The following HSD17B4 variants were observed in gnomAD, a reference collection of about 807,000 sequenced individuals.
HSD17B4 encodes the protein hydroxysteroid 17-beta dehydrogenase 4, also known as peroxisomal multifunctional enzyme type 2.
Under a neutral mutation model 101.0 loss-of-function variants are expected in HSD17B4, and 70 were observed. That is an observed-to-expected ratio of 0.69 (90% CI 0.57 to 0.85). The LOEUF (loss-of-function observed/expected upper bound fraction) is 0.85, where lower values mean the gene tolerates loss of function less well. Ranked by LOEUF, HSD17B4 falls within the 40% of genes least tolerant of loss-of-function variation. HSD17B4 has a pLI of 0.00. For synonymous variants in HSD17B4, 347 were observed against 297.1 expected (o/e 1.17, Z -1.73); for missense variants, 984 against 892.4 (o/e 1.10, Z -1.31).
At chr5:119,535,931 A>G in intron 22 of HSD17B4, 1 of 179,986 alleles carries the variant, frequency 5.6e-6, no homozygotes, top group Non-Finnish European at 1.2e-5. Flanking sequence ...TTCAAATGCC[A>G]TATTCTCATC....
chr5:119,500,945 T>C (rs1751101088), intron 13 of HSD17B4, among the ~76,000 whole-genome samples: 1 of 152,162 alleles, frequency 6.6e-6, no homozygotes, highest in Non-Finnish European at 1.5e-5. Flanking sequence ...CTGGTATCTG[T>C]AACTTTGACT....
chr5:119,457,207 T>A (rs1442368135), intron 2 of HSD17B4, among the ~76,000 whole-genome samples: 1 of 152,174 alleles, frequency 6.6e-6, no homozygotes, highest in African/African-American at 2.4e-5. Flanking sequence ...GGGTGCTAAG[T>A]GCAGGGGGAT....
chr5:119,485,582 T>G (rs530992823), intron 8 of HSD17B4, among the ~76,000 whole-genome samples: 1 of 152,288 alleles, frequency 6.6e-6, no homozygotes, highest in African/African-American at 2.4e-5. Context: ...TGAAAATTTA[T>G]TTTGATCTGA....
At chr5:119,527,931 G>A (rs1753748065) in intron 20 of HSD17B4, among the ~76,000 whole-genome samples, 1 of 152,074 alleles carries the variant, frequency 6.6e-6, no homozygotes, top group Non-Finnish European at 1.5e-5. Flanking sequence ...AATACTAAAA[G>A]GACATGCAAT....
At chr5:119,485,327 C>T (rs181323286) in intron 8 of HSD17B4, among the ~76,000 whole-genome samples, 9 of 152,190 alleles carry the variant, frequency 5.9e-5, no homozygotes, top group Admixed American at 5.9e-4. Flanking sequence ...AGATCTGGAC[C>T]ACTAAAGGCA....
At chr5:119,518,019 C>T (rs569733165) in intron 17 of HSD17B4, among the ~76,000 whole-genome samples, 1 of 152,262 alleles carries the variant, frequency 6.6e-6, no homozygotes, top group Admixed American at 6.5e-5. Context: ...ACAGACCACT[C>T]AGCTCTACCA....
chr5:119,529,233 A>G (rs1465873652), intron 20 of HSD17B4, among the ~76,000 whole-genome samples: 3 of 152,176 alleles, frequency 2.0e-5, no homozygotes, highest in Non-Finnish European at 2.9e-5. Flanking sequence ...AACAATTTTT[A>G]TGAAAGAATA....
Position 119,480,663 on chromosome 5 carries a change from AG to A in HSD17B4, c.622+1645del, listed in dbSNP as rs1192205007. 6.6e-5 allele frequency among the ~76,000 whole-genome samples: 10 copies of A among 152,322 alleles called. No individual in the cohort carries two copies. In the East Asian group the frequency reaches 1.5e-3, roughly 23 times the overall value. ...CATTGATAATATCTTATCAGGAGAC[AG>A]GGTTTTGAGATCAACCGGTCTGACC... On this transcript the variant is annotated intron_variant, in intron 8 of 23. Coordinates refer to ENST00000510025, the MANE Select transcript of HSD17B4 (RefSeq NM_000414.4).
At chr5:119,481,602 C>T (rs1444065894) in intron 8 of HSD17B4, among the ~76,000 whole-genome samples, 1 of 152,120 alleles carries the variant, frequency 6.6e-6, no homozygotes, top group African/African-American at 2.4e-5. Context: ...ATTAGATGTG[C>T]AATAGCATTA....
intron 6 of HSD17B4, chr5:119,476,601 A>G: frequency 2.0e-6 from 2 of 985,342 alleles, no homozygotes. Flanking sequence ...AATTAAGCTA[A>G]GAAGAGCTTT....
chr5:119,527,221 T>A lies in HSD17B4; in HGVS notation c.1767+2T>A. 1 of 1,586,098 alleles carries A rather than the reference T, an allele frequency of 6.3e-7. No homozygotes were observed. Among genetic ancestry groups the A allele is most frequent in the Non-Finnish European group, 8.7e-7 (1 of 1,155,144 alleles). Reference sequence around the variant, plus strand: ...AACAGAATTCATTTTCAAACCAAGGTATGAATTTTGCTTTTTCACCCTTCT... The same window carrying A: ...AACAGAATTCATTTTCAAACCAAGGAATGAATTTTGCTTTTTCACCCTTCT... On this transcript the variant is annotated splice_donor_variant, in intron 20 of 23. Coordinates refer to ENST00000510025, the MANE Select transcript of HSD17B4 (RefSeq NM_000414.4). LOFTEE classifies it high-confidence loss of function.
intron 17 of HSD17B4, among the ~76,000 whole-genome samples, chr5:119,523,598 A>G (rs747293402): frequency 2.4e-4 from 36 of 152,146 alleles, no homozygotes; most frequent in Non-Finnish European, 4.7e-4. Flanking sequence ...TATCATTGAA[A>G]TAATGTGAGA....
chr5:119,514,585 T>C (rs1424616237), intron 16 of HSD17B4, among the ~76,000 whole-genome samples: 3 of 152,196 alleles, frequency 2.0e-5, no homozygotes, highest in Non-Finnish European at 2.9e-5. Flanking sequence ...TTTGTTAAGA[T>C]GGCAAATTAA....
intron 1 of HSD17B4, chr5:119,452,952 T>C (rs1166526999): frequency 9.7e-7 from 1 of 1,035,632 alleles, no homozygotes; most frequent in Non-Finnish European, 1.4e-6. Context: ...TGGGCATCGA[T>C]TGTTACTCTT....
chr5:119,474,566 A>G, intron 4 of HSD17B4, 106 bp downstream of exon 4: 1 of 774,720 alleles, frequency 1.3e-6, no homozygotes, highest in Non-Finnish European at 2.3e-6. Flanking sequence ...TTTCCTCATA[A>G]TCACATTTTA....
intron 1 of HSD17B4, among the ~76,000 whole-genome samples, chr5:119,453,114 G>C (rs1754246202): frequency 6.6e-6 from 1 of 152,252 alleles, no homozygotes; most frequent in Non-Finnish European, 1.5e-5. Flanking sequence ...TCTGTCGTAA[G>C]ATTTTAAGTT....
intron 13 of HSD17B4, among the ~76,000 whole-genome samples, chr5:119,500,597 G>A (rs1052564755): frequency 2.6e-5 from 4 of 152,026 alleles, no homozygotes; most frequent in Non-Finnish European, 4.4e-5. Context: ...GTCTAACTGG[G>A]TCCTTAGCAT....
chr5:119,528,504 A>C (rs557786661), intron 20 of HSD17B4, among the ~76,000 whole-genome samples: 1 of 152,244 alleles, frequency 6.6e-6, no homozygotes, highest in South Asian at 2.1e-4. Flanking sequence ...TTTCCTACCC[A>C]TAGATACACT....
intron 16 of HSD17B4, among the ~76,000 whole-genome samples, chr5:119,514,566 A>C (rs1042893917): frequency 3.3e-5 from 5 of 152,208 alleles, no homozygotes; most frequent in Admixed American, 1.3e-4. Context: ...CAACTTTAAA[A>C]TGTATTATTT....
Sources: gnomAD v4.1 joint callset for allele counts (sites outside exome capture counted in the v4.1 genomes callset) on GRCh38, gnomAD v4.1.1 for gene constraint, MANE v1.5 for transcripts, NCBI Gene and HGNC (gene_info 2026-07-23, HGNC 2026-07-21) for gene names.